LRP1B: variants seen among roughly 807,000 people sequenced by gnomAD.
LRP1B encodes low-density lipoprotein receptor-related protein 1B.
LRP1B carries 217 observed loss-of-function variants against 556.6 expected under a neutral mutation model. The observed-to-expected ratio is 0.39, with a 90% CI of 0.35 to 0.44. The LOEUF is 0.44. Ranked by LOEUF, LRP1B falls within the 20% of genes least tolerant of loss-of-function variation. LRP1B has a pLI of 1.00. For missense variants in LRP1B, 5,053 were observed against 5,620.8 expected (o/e 0.90, Z 3.23); for synonymous variants, 2,047 against 1,865.8 (o/e 1.10, Z -2.50).
At chr2:141,432,012 T>C (rs563196359) in intron 3 of LRP1B, among the ~76,000 whole-genome samples, 2 of 152,280 alleles carry the variant, frequency 1.3e-5, no homozygotes, top group East Asian at 1.9e-4. Flanking sequence ...CTGCAAGTGA[T>C]GAGAGCAGAT....
At chr2:141,457,190 G>A (rs1681667014) in intron 3 of LRP1B, among the ~76,000 whole-genome samples, 1 of 152,180 alleles carries the variant, frequency 6.6e-6, no homozygotes, top group Non-Finnish European at 1.5e-5. Flanking sequence ...GACATGTTTT[G>A]GGTCAGGGAA....
At chr2:141,674,705 G>A (rs1164064738) in intron 2 of LRP1B, among the ~76,000 whole-genome samples, 1 of 151,924 alleles carries the variant, frequency 6.6e-6, no homozygotes, top group African/African-American at 2.4e-5. Context: ...CCTTATAAAA[G>A]TGAAGAACTT....
At chr2:140,309,490 G>C (rs183408583) in intron 83 of LRP1B, among the ~76,000 whole-genome samples, 1 of 151,768 alleles carries the variant, frequency 6.6e-6, no homozygotes. Context: ...TCACCATATG[G>C]TCCAATCGAA....
At chr2:142,032,498 C>T (rs1043943086) in intron 1 of LRP1B, among the ~76,000 whole-genome samples, 3 of 151,826 alleles carry the variant, frequency 2.0e-5, no homozygotes, top group Non-Finnish European at 4.4e-5. Flanking sequence ...GCACTTAAAT[C>T]TGGTTTTCAT....
At chr2:141,946,351 T>C (rs948520238) in intron 1 of LRP1B, among the ~76,000 whole-genome samples, 5 of 152,164 alleles carry the variant, frequency 3.3e-5, no homozygotes, top group Admixed American at 6.6e-5. Context: ...GTGATAAAAA[T>C]GTAGTATATT....
intron 1 of LRP1B, among the ~76,000 whole-genome samples, chr2:141,893,108 T>C (rs1699340748): frequency 1.3e-5 from 2 of 152,238 alleles, no homozygotes; most frequent in Non-Finnish European, 2.9e-5. Flanking sequence ...TCATTTTCTG[T>C]AATTCCTAGT....
chr2:141,463,566 T>A (rs1411683866), intron 3 of LRP1B, among the ~76,000 whole-genome samples: 2 of 60,020 alleles, frequency 3.3e-5, no homozygotes, highest in Non-Finnish European at 3.5e-5. Context: ...TAATATATAT[T>A]ATATATTATA....
rs558245249 is a variant in LRP1B at position 140,760,583 on chromosome 2, T to A, written c.5758+8630A>T. ...ATTGCATGTTTTAAAATTGTTGTTGTTGCTGTGAAACACCCATCCTGGCTG... is the reference window on the plus strand; with the variant it reads ...ATTGCATGTTTTAAAATTGTTGTTGATGCTGTGAAACACCCATCCTGGCTG... On this transcript the variant is annotated intron_variant, in intron 35 of 90. Transcript: ENST00000389484. 1.6e-4 allele frequency among the ~76,000 whole-genome samples: 25 copies of A among 152,298 alleles called. No homozygotes were observed. The South Asian group carries it at 5.2e-3, about 32-fold the overall frequency.
intron 3 of LRP1B, among the ~76,000 whole-genome samples, chr2:141,340,532 C>A (rs1239046730): frequency 6.6e-6 from 1 of 151,968 alleles, no homozygotes; most frequent in African/African-American, 2.4e-5. Context: ...ATGCAGTGAC[C>A]CTGATAAAAA....
At chr2:140,827,002 C>T (rs1245070909) in intron 31 of LRP1B, among the ~76,000 whole-genome samples, 1 of 152,090 alleles carries the variant, frequency 6.6e-6, no homozygotes. Flanking sequence ...TTAGGAACCC[C>T]ACTCCAATTC....
chr2:141,695,060 G>A (rs1295624662), intron 2 of LRP1B, among the ~76,000 whole-genome samples: 1 of 151,944 alleles, frequency 6.6e-6, no homozygotes, highest in African/African-American at 2.4e-5. Flanking sequence ...CCACATTGTG[G>A]AATGATTGTT....
At chr2:140,716,598 A>C in intron 36 of LRP1B, 84 bp downstream of exon 36, 1 of 1,357,414 alleles carries the variant, frequency 7.4e-7, no homozygotes, top group Non-Finnish European at 1.0e-6. Flanking sequence ...CACTGTTATG[A>C]GTTAGAAAAG....
chr2:141,128,156 A>G (rs1701263032), intron 7 of LRP1B, among the ~76,000 whole-genome samples: 1 of 152,134 alleles, frequency 6.6e-6, no homozygotes, highest in Admixed American at 6.6e-5. Context: ...CCTTCATTTG[A>G]ATAATTTTAT....
chr2:141,681,213 T>C (rs1040541244), intron 2 of LRP1B, among the ~76,000 whole-genome samples: 6 of 151,986 alleles, frequency 3.9e-5, no homozygotes, highest in African/African-American at 1.4e-4. Context: ...GATTTTTTTG[T>C]GCCAAGGAGG....
At chr2:141,783,142 G>A (rs1468826374) in intron 2 of LRP1B, among the ~76,000 whole-genome samples, 1 of 152,020 alleles carries the variant, frequency 6.6e-6, no homozygotes, top group Non-Finnish European at 1.5e-5. Flanking sequence ...GGTAGCAAAT[G>A]GCTGAGAGAT....
At chr2:141,660,901 T>G (rs148645641) in intron 2 of LRP1B, among the ~76,000 whole-genome samples, 1 of 152,130 alleles carries the variant, frequency 6.6e-6, no homozygotes, top group African/African-American at 2.4e-5. Flanking sequence ...AGACACCTTG[T>G]ACAGGAGTGT....
At chr2:140,912,280 T>A (rs1694442224) in intron 21 of LRP1B, among the ~76,000 whole-genome samples, 1 of 151,762 alleles carries the variant, frequency 6.6e-6, no homozygotes, top group Non-Finnish European at 1.5e-5. Context: ...TTTACTTGAT[T>A]CATATCAAGA....
At chr2:140,537,147 G>T (rs2105006008) in intron 45 of LRP1B, among the ~76,000 whole-genome samples, 1 of 148,454 alleles carries the variant, frequency 6.7e-6, no homozygotes, top group East Asian at 2.0e-4. Context: ...CTCCAGCCTG[G>T]GCAACAGGGT....
chr2:140,996,905 TA>T (rs1417841414), intron 15 of LRP1B, among the ~76,000 whole-genome samples: 1 of 151,958 alleles, frequency 6.6e-6, no homozygotes, highest in East Asian at 1.9e-4. Flanking sequence ...TTCCAGTGCA[TA>T]ATGTGACTGA....
Sources: allele counts gnomAD v4.1 joint callset (sites outside exome capture counted in the v4.1 genomes callset), GRCh38; gene constraint gnomAD v4.1.1; transcripts MANE v1.5; gene names NCBI Gene and HGNC (gene_info 2026-07-23, HGNC 2026-07-21).